The following NXN variants were observed in gnomAD, a reference collection of about 807,000 sequenced individuals.
NXN encodes the protein nucleoredoxin.
In NXN, 16 loss-of-function variants were observed where a neutral mutation model predicts 48.6. The ratio of observed to expected loss-of-function variants is 0.33; its 90% CI spans 0.22 to 0.50. The LOEUF (loss-of-function observed/expected upper bound fraction) is 0.50. Ranked by LOEUF, NXN falls within the 20% of genes least tolerant of loss-of-function variation. NXN has a pLI of 0.98. For synonymous variants in NXN, 281 were observed against 269.6 expected (o/e 1.04, Z -0.41); for missense variants, 492 against 605.5 (o/e 0.81, Z 1.97).
At chr17:929,216 G>A (rs1447039236) in intron 1 of NXN, among the ~76,000 whole-genome samples, 1 of 152,236 alleles carries the variant, frequency 6.6e-6, no homozygotes, top group Admixed American at 6.5e-5. Flanking sequence ...TTTCCCCGAG[G>A]GCTGGCTGCG....
In NXN at chr17:882,775, G is replaced by GT. The variant is rs1478595140; in HGVS notation, c.361-56698dup. ...CCACCGCACCCGGCCTCTTTGTTTT[G>GT]TTTTTGAGACGTTGTCTTGCTCTGT... On this transcript the variant is annotated intron_variant, in intron 1 of 7. Coordinates refer to ENST00000336868, the MANE Select transcript of NXN (RefSeq NM_022463.5). Among the ~76,000 whole-genome samples the GT allele has an allele frequency of 2.1e-5, 3 of 143,560 alleles. No individual in the cohort carries two copies. In the South Asian group the frequency reaches 6.8e-4, roughly 32 times the overall value. The allele number at this position is 143,560 out of a possible 152,430, so 94.2% of individuals were successfully genotyped here.
chr17:921,241 G>T (rs1334852228), intron 1 of NXN, among the ~76,000 whole-genome samples: 1 of 151,910 alleles, frequency 6.6e-6, no homozygotes, highest in Non-Finnish European at 1.5e-5. Context: ...CACTCAAAAG[G>T]TAACTGTTTA....
chr17:805,452 C>A (rs1911441814), intron 5 of NXN, among the ~76,000 whole-genome samples: 2 of 152,186 alleles, frequency 1.3e-5, no homozygotes, highest in African/African-American at 4.8e-5. Context: ...CATGGAACCC[C>A]CTCGGGTCAG....
At chr17:953,239 A>G (rs528969656) in intron 1 of NXN, among the ~76,000 whole-genome samples, 2 of 151,782 alleles carry the variant, frequency 1.3e-5, no homozygotes, top group African/African-American at 2.4e-5. Context: ...ACATGGTGAA[A>G]CCCCATCTCT....
At chr17:912,031 G>A (rs1001208905) in intron 1 of NXN, among the ~76,000 whole-genome samples, 9 of 150,214 alleles carry the variant, frequency 6.0e-5, no homozygotes, top group Non-Finnish European at 1.0e-4. Flanking sequence ...TCTGCCTCCC[G>A]AGTTCAAGTG....
intron 1 of NXN, among the ~76,000 whole-genome samples, chr17:841,212 G>A (rs1437681720): frequency 2.6e-5 from 4 of 152,184 alleles, no homozygotes; most frequent in African/African-American, 9.7e-5. Flanking sequence ...CTTCTCATGT[G>A]GGCCCTTCCA....
intron 1 of NXN, among the ~76,000 whole-genome samples, chr17:871,075 A>C (rs543125455): frequency 6.6e-6 from 1 of 151,772 alleles, no homozygotes; most frequent in African/African-American, 2.4e-5. Context: ...GTTGGCCAGG[A>C]TGGTCTCGAT....
intron 1 of NXN, among the ~76,000 whole-genome samples, chr17:838,570 CA>C (rs1913958974): frequency 1.3e-5 from 2 of 152,178 alleles, no homozygotes; most frequent in South Asian, 2.1e-4. Context: ...AGTCGGCTTT[CA>C]AAAACCTTAC....
rs550937044 is a variant in NXN at position 830,349 on chromosome 17, T to C, written c.361-4271A>G. ...AACAAGAATATAAACAGGAAACTCATTTCAGACACCGAGAAGTAACAGAAA... is the reference window on the plus strand; with the variant it reads ...AACAAGAATATAAACAGGAAACTCACTTCAGACACCGAGAAGTAACAGAAA... On this transcript the variant is annotated intron_variant, in intron 1 of 7. Coordinates refer to ENST00000336868, the MANE Select transcript of NXN (RefSeq NM_022463.5). This position sits in a 1 kb window ranked among gnomAD's most constrained non-coding sequence, Gnocchi z 4.2. Among the ~76,000 whole-genome samples the C allele has an allele frequency of 6.6e-6, 1 of 151,860 alleles. No individual in the cohort carries two copies. Among genetic ancestry groups the C allele is most frequent in the East Asian group, 1.9e-4 (1 of 5,154 alleles).
At chr17:938,406 G>A (rs923969896) in intron 1 of NXN, among the ~76,000 whole-genome samples, 6 of 152,250 alleles carry the variant, frequency 3.9e-5, no homozygotes, top group Non-Finnish European at 8.8e-5. Flanking sequence ...GCCCGGCCGG[G>A]CGCGGCGGCT....
At chr17:969,652 C>T (rs535525469) in intron 1 of NXN, among the ~76,000 whole-genome samples, 12 of 152,180 alleles carry the variant, frequency 7.9e-5, no homozygotes, top group Admixed American at 3.9e-4. Context: ...TGAGCCACCA[C>T]GATCAAAAGA....
intron 1 of NXN, among the ~76,000 whole-genome samples, chr17:909,074 G>A (rs542056640): frequency 1.4e-5 from 2 of 142,166 alleles, no homozygotes; most frequent in Non-Finnish European, 3.0e-5. Flanking sequence ...ACTCCAGCCT[G>A]GGCGACAGAG....
At chr17:973,824 T>C (rs775494942) in intron 1 of NXN, among the ~76,000 whole-genome samples, 1 of 145,172 alleles carries the variant, frequency 6.9e-6, no homozygotes, top group Non-Finnish European at 1.5e-5. Flanking sequence ...GGAGTACAGG[T>C]GTGTACCACC....
In NXN at chr17:830,819, G is replaced by A. The variant is rs566291378; in HGVS notation, c.361-4741C>T. 1.9e-4 allele frequency among the ~76,000 whole-genome samples: 29 copies of A among 152,124 alleles called. No individual in the cohort carries two copies. The highest frequency in any genetic ancestry group is 6.5e-4 in the African/African-American group (27 of 41,490). ...AGTTCGACAACAGCCTGGCCAACAC[G>A]GTGAAAGCCCATCTCTACTAAAAAT... On this transcript the variant is annotated intron_variant, in intron 1 of 7. Transcript: ENST00000336868. This position sits in a 1 kb window ranked among gnomAD's most constrained non-coding sequence, Gnocchi z 4.2.
chr17:878,044 G>T (rs1380764948), intron 1 of NXN: 2 of 152,250 alleles, frequency 1.3e-5, no homozygotes, highest in Non-Finnish European at 2.9e-5. Flanking sequence ...GAAGCCCTGG[G>T]GGCACAGTCT....
chr17:805,815 A>G (rs907957595), intron 5 of NXN, among the ~76,000 whole-genome samples: 9 of 152,038 alleles, frequency 5.9e-5, no homozygotes, highest in Admixed American at 1.3e-4. Context: ...TCCAGCCTGG[A>G]CAACAGAGCA....
At chr17:887,632 G>A (rs571688737) in intron 1 of NXN, among the ~76,000 whole-genome samples, 4 of 152,174 alleles carry the variant, frequency 2.6e-5, no homozygotes, top group South Asian at 2.1e-4. Context: ...GTGTGTGCTC[G>A]CCAATTAAAC....
chr17:977,484 C>A (rs1011252968), intron 1 of NXN, among the ~76,000 whole-genome samples: 4 of 152,216 alleles, frequency 2.6e-5, no homozygotes, highest in African/African-American at 9.6e-5. Flanking sequence ...CATGTCCTAT[C>A]AAATATTCTC....
At chr17:968,725 G>A (rs1035817786) in intron 1 of NXN, among the ~76,000 whole-genome samples, 4 of 152,034 alleles carry the variant, frequency 2.6e-5, no homozygotes, top group Non-Finnish European at 4.4e-5. Flanking sequence ...ATCGCTTGAG[G>A]TCAGGAGTTC....
Sources: allele counts gnomAD v4.1 joint callset (sites outside exome capture counted in the v4.1 genomes callset), GRCh38; gene constraint gnomAD v4.1.1; non-coding constraint Gnocchi (gnomAD v3.1); transcripts MANE v1.5; gene names NCBI Gene and HGNC (gene_info 2026-07-23, HGNC 2026-07-21).